Variants in MTDH observed in about 807,000 individuals in gnomAD.
MTDH encodes the protein protein LYRIC.
In MTDH, 34 loss-of-function variants were observed where a neutral mutation model predicts 72.7. The ratio of observed to expected loss-of-function variants is 0.47; its 90% CI spans 0.36 to 0.62. The LOEUF is 0.62. MTDH is among the 20% of genes least tolerant of loss of function. The pLI is 0.00. For missense variants in MTDH, 677 were observed against 699.4 expected, an observed-to-expected ratio of 0.97 and a Z score of 0.36; for synonymous variants, 266 against 268.9, an observed-to-expected ratio of 0.99 and a Z score of 0.10.
At chr8:97,702,167 G>A (rs564827623) in intron 7 of MTDH, among the ~76,000 whole-genome samples, 2 of 152,144 alleles carry the variant, frequency 1.3e-5, no homozygotes, top group Non-Finnish European at 2.9e-5. Context: ...CCAGTTTGAA[G>A]ACATACATTA....
At chr8:97,675,999 G>A (rs1185212726) in intron 2 of MTDH, among the ~76,000 whole-genome samples, 1 of 150,214 alleles carries the variant, frequency 6.7e-6, no homozygotes, top group Non-Finnish European at 1.5e-5. Context: ...GAGTGCAGTG[G>A]TACAATCATG....
chr8:97,658,456 A>G (rs1015979963), intron 1 of MTDH, among the ~76,000 whole-genome samples: 1 of 152,318 alleles, frequency 6.6e-6, no homozygotes, highest in Admixed American at 6.5e-5. Context: ...GGCTACATCA[A>G]TATTGTTTGC....
At chr8:97,697,130 A>AAAAAAAAAAAAAAAAAAATATT (rs1813874804) in intron 6 of MTDH, among the ~76,000 whole-genome samples, 1 of 93,392 alleles carries the variant, frequency 1.1e-5, no homozygotes, top group Non-Finnish European at 1.9e-5. Context: ...AAAAAAAAAA[A>AAAAAAAAAAAAAAAAAAATATT]TATATATATA....
At position 97,689,705 on chromosome 8, in the gene MTDH, CTT is replaced by C. The variant is rs34132114; in HGVS notation, c.811+618_811+619del. 9.0e-3 allele frequency among the ~76,000 whole-genome samples: 1,107 copies of C among 123,412 alleles called. 4 individuals carry two copies. Among genetic ancestry groups the C allele is most frequent in the Middle Eastern group, 0.033 (8 of 242 alleles). The allele number at this position is 123,412 out of a possible 152,430, so 81.0% of individuals were successfully genotyped here. Reference sequence around the variant, plus strand: ...AAAAAAGCACCTTCTTCTTTCAGGCCTTTTTTTTTTTTTTTTTGGGAAATGGA... The same window carrying C: ...AAAAAAGCACCTTCTTCTTTCAGGCCTTTTTTTTTTTTTTTGGGAAATGGA... On this transcript the variant is annotated intron_variant, in intron 5 of 11. Coordinates refer to ENST00000336273, the MANE Select transcript of MTDH (RefSeq NM_178812.4).
intron 2 of MTDH, among the ~76,000 whole-genome samples, chr8:97,663,354 T>C (rs193291531): frequency 1.3e-5 from 2 of 152,316 alleles, no homozygotes; most frequent in East Asian, 3.9e-4. Context: ...AAGTATAATA[T>C]GGCAGGCACC....
At chr8:97,647,546 AG>A (rs1372715745) in intron 1 of MTDH, among the ~76,000 whole-genome samples, 3 of 152,212 alleles carry the variant, frequency 2.0e-5, no homozygotes, top group South Asian at 4.2e-4. Flanking sequence ...GGGGGAAGGG[AG>A]GGCAGTAAGA....
At chr8:97,656,999 A>G (rs147827485) in intron 1 of MTDH, among the ~76,000 whole-genome samples, 2 of 151,860 alleles carry the variant, frequency 1.3e-5, no homozygotes, top group East Asian at 3.9e-4. Context: ...AAAAAAAGTT[A>G]TGGAATTGTA....
chr8:97,682,256 A>T lies in MTDH; in HGVS notation c.484-4412A>T, dbSNP rs1281217338. Among the ~76,000 whole-genome samples, 7 of 5,102 alleles carry T rather than the reference A, an allele frequency of 1.4e-3. No individual in the cohort carries two copies. In the East Asian group the frequency reaches 0.028, roughly 21 times the overall value. 3.3% of individuals were successfully genotyped at this position (5,102 alleles called of 152,430 possible). ...TATATATATATATATATATATATAT[A>T]TATATATATATATATATATATATAT... On this transcript the variant is annotated intron_variant, in intron 2 of 11. Coordinates refer to ENST00000336273, the MANE Select transcript of MTDH (RefSeq NM_178812.4).
chr8:97,714,614 A>C (rs891804560), intron 9 of MTDH, among the ~76,000 whole-genome samples: 2 of 152,168 alleles, frequency 1.3e-5, no homozygotes, highest in Non-Finnish European at 2.9e-5. Context: ...CAAAAAAAAA[A>C]AAAAGATATT....
intron 2 of MTDH, among the ~76,000 whole-genome samples, chr8:97,683,764 C>A (rs1190432844): frequency 6.6e-6 from 1 of 152,072 alleles, no homozygotes; most frequent in East Asian, 1.9e-4. Flanking sequence ...TCCTGTGGAC[C>A]TGCACTGTCC....
intron 6 of MTDH, among the ~76,000 whole-genome samples, chr8:97,695,803 AT>A (rs1406104579): frequency 2.6e-5 from 4 of 152,332 alleles, no homozygotes; most frequent in South Asian, 4.1e-4. Context: ...TACTTATGTA[AT>A]TGTGAGGATT....
chr8:97,675,113 A>G (rs1298408053), intron 2 of MTDH, among the ~76,000 whole-genome samples: 1 of 152,188 alleles, frequency 6.6e-6, no homozygotes. Context: ...CCCAGCCAGC[A>G]TTCCCTTTTA....
At chr8:97,707,643 G>A (rs764593865) in intron 8 of MTDH, among the ~76,000 whole-genome samples, 1 of 151,856 alleles carries the variant, frequency 6.6e-6, no homozygotes, top group Non-Finnish European at 1.5e-5. Flanking sequence ...TAGATGATAT[G>A]GAAATGAATT....
Position 97,725,370 on chromosome 8 carries a change from C to T in MTDH, c.*700C>T, listed in dbSNP as rs1018237065. The T allele has an allele frequency of 2.0e-5, 3 of 152,496 alleles. No individual in the cohort carries two copies. The highest frequency in any genetic ancestry group is 1.3e-4 in the Admixed American group (2 of 15,258). 9.4% of individuals were successfully genotyped at this position (152,496 alleles called of 1,614,324 possible). A position where few individuals can be genotyped will look rare whatever the true frequency, so the allele number is the denominator to read the frequency against. ...TATATTTTAAATTAAGAAAAGTGAA[C>T]TATATGTATTTGTTTTATACATTTA... On this transcript the variant is annotated 3_prime_UTR_variant, in exon 12 of 12. Coordinates refer to ENST00000336273, the MANE Select transcript of MTDH (RefSeq NM_178812.4).
intron 7 of MTDH, among the ~76,000 whole-genome samples, chr8:97,704,200 T>A (rs893423228): frequency 6.6e-6 from 1 of 152,222 alleles, no homozygotes; most frequent in African/African-American, 2.4e-5. Context: ...ACAGCCCCCA[T>A]GGCAGAATCT....
In MTDH at chr8:97,699,784, C is replaced by T. The variant is rs1422947505; in HGVS notation, c.1079C>T (p.Thr360Ile). The change falls in exon 7 of 12, where the codon ACC becomes ATC. Residue 360 changes from threonine to isoleucine, a missense_variant. Physicochemically the swap from Thr to Ile is moderately conservative, Grantham distance 89. Coordinates refer to ENST00000336273, the MANE Select transcript of MTDH (RefSeq NM_178812.4). ...ACTGCTGAGCCAGTTTCTCAGTCTACCACTTCTGATTATCAGTGGGATGTT... is the reference window on the plus strand; with the variant it reads ...ACTGCTGAGCCAGTTTCTCAGTCTATCACTTCTGATTATCAGTGGGATGTT... ...GSTAEPVSQSTTSDYQWDVSR... is the reference protein window; with the variant it reads ...GSTAEPVSQSITSDYQWDVSR... The T allele has an allele frequency of 6.2e-7, 1 of 1,613,000 alleles. No individual in the cohort carries two copies. Among genetic ancestry groups the T allele is most frequent in the Non-Finnish European group, 8.5e-7 (1 of 1,179,274 alleles).
intron 11 of MTDH, among the ~76,000 whole-genome samples, chr8:97,723,997 T>C (rs1460745592): frequency 6.6e-6 from 1 of 151,916 alleles, no homozygotes; most frequent in African/African-American, 2.4e-5. Flanking sequence ...TAATCGCAGC[T>C]ACTCGGGAGG....
Position 97,725,986 on chromosome 8 carries a change from A to C in MTDH, c.*1316A>C, listed in dbSNP as rs1815335533. 6.6e-6 allele frequency: 1 copy of C among 152,638 alleles called. No individual in the cohort carries two copies. The highest frequency in any genetic ancestry group is 6.5e-5 in the Admixed American group (1 of 15,274). 9.5% of individuals were successfully genotyped at this position (152,638 alleles called of 1,614,324 possible). On this transcript the variant is annotated 3_prime_UTR_variant, in exon 12 of 12. Coordinates refer to ENST00000336273, the MANE Select transcript of MTDH (RefSeq NM_178812.4). ...AAAAAGCCATGATTTATTCGATGTGATTGGCTTGTTTTTATGTGGCGCCAA... is the reference window on the plus strand; with the variant it reads ...AAAAAGCCATGATTTATTCGATGTGCTTGGCTTGTTTTTATGTGGCGCCAA...
At position 97,666,807 on chromosome 8, in the gene MTDH, A is replaced by G. The variant is rs561778245; in HGVS notation, c.483+5634A>G. ...CACCTCCCAGGTTCAAGCAATTCTCATGCCTCAGTCTCCTGAGTAGCTGGA... is the reference window on the plus strand; with the variant it reads ...CACCTCCCAGGTTCAAGCAATTCTCGTGCCTCAGTCTCCTGAGTAGCTGGA... On this transcript the variant is annotated intron_variant, in intron 2 of 11. Transcript: ENST00000336273. Among the ~76,000 whole-genome samples, 4 of 149,384 alleles carry G rather than the reference A, an allele frequency of 2.7e-5. No individual in the cohort carries two copies. The South Asian group carries it at 8.5e-4, about 32-fold the overall frequency.
Sources: gnomAD v4.1 joint callset for allele counts (sites outside exome capture counted in the v4.1 genomes callset) on GRCh38, gnomAD v4.1.1 for gene constraint, MANE v1.5 for transcripts, NCBI Gene and HGNC (gene_info 2026-07-23, HGNC 2026-07-21) for gene names.